Variants in GNG2 observed in about 807,000 individuals in gnomAD.
GNG2 encodes guanine nucleotide-binding protein G(I)/G(S)/G(O) subunit gamma-2.
In GNG2, 5 loss-of-function variants were observed where a neutral mutation model predicts 5.5. The ratio of observed to expected loss-of-function variants is 0.91; its 90% confidence interval spans 0.48 to 1.92. The LOEUF is 1.92. Ranked by LOEUF, GNG2 falls within the 30% of genes most tolerant of loss-of-function variation. The pLI is 0.01. For synonymous variants in GNG2, 28 were observed against 32.0 expected, an observed-to-expected ratio of 0.88 and a Z score of 0.42; for missense variants, 55 against 88.4, an observed-to-expected ratio of 0.62 and a Z score of 1.52.
At chr14:51,908,732 G>T (rs182870969) in intron 2 of GNG2, among the ~76,000 whole-genome samples, 1,037 of 61,002 alleles carry the variant, frequency 0.017, 12 homozygotes, top group Middle Eastern at 0.056. Flanking sequence ...ACCACACCCA[G>T]CTAATTTTTT....
At chr14:51,936,116 G>C (rs1051089719) in intron 2 of GNG2, among the ~76,000 whole-genome samples, 1 of 152,134 alleles carries the variant, frequency 6.6e-6, no homozygotes, top group Non-Finnish European at 1.5e-5. Context: ...ATAAAACACA[G>C]TGCCACTCTG....
intron 2 of GNG2, among the ~76,000 whole-genome samples, chr14:51,925,652 C>T (rs186692244): frequency 6.6e-6 from 1 of 152,294 alleles, no homozygotes; most frequent in Admixed American, 6.5e-5. Flanking sequence ...CACTCTATCA[C>T]CCAGGCTGGA....
intron 2 of GNG2, among the ~76,000 whole-genome samples, chr14:51,927,858 T>TTTGTTG (rs150493266): frequency 7.9e-5 from 12 of 151,308 alleles, no homozygotes; most frequent in African/African-American, 1.9e-4. Flanking sequence ...CTTCTGGTGG[T>TTTGTTG]TTGTTGTTGT....
chr14:51,855,713 T>G (rs1868347672), upstream of GNG2, among the ~76,000 whole-genome samples: 1 of 152,206 alleles, frequency 6.6e-6, no homozygotes, highest in Admixed American at 6.5e-5. Context: ...CCCATTTTAC[T>G]CTTCCTTCTT....
intron 2 of GNG2, among the ~76,000 whole-genome samples, chr14:51,836,227 G>GA (rs1881328400): frequency 2.0e-5 from 3 of 152,026 alleles, no homozygotes; most frequent in Non-Finnish European, 2.9e-5. Context: ...ATCTCGCAAA[G>GA]ACCTCACCTC....
chr14:51,832,047 A>G (rs1329168118), intron 2 of GNG2, among the ~76,000 whole-genome samples: 2 of 152,204 alleles, frequency 1.3e-5, no homozygotes, highest in African/African-American at 4.8e-5. Flanking sequence ...TAAGAGGCCA[A>G]GGTGGGAGGA....
chr14:51,862,050 G>A (rs912473015), intron 1 of GNG2, among the ~76,000 whole-genome samples: 1 of 152,146 alleles, frequency 6.6e-6, no homozygotes, highest in African/African-American at 2.4e-5. Flanking sequence ...GTGTATGTAT[G>A]TATATGCCTC....
chr14:51,867,674 T>G (rs920006594), intron 1 of GNG2, among the ~76,000 whole-genome samples: 1 of 152,188 alleles, frequency 6.6e-6, no homozygotes, highest in African/African-American at 2.4e-5. Flanking sequence ...CTAGGATAAG[T>G]TAGTTCCTGC....
At chr14:51,900,976 C>A (rs1054821367) in intron 2 of GNG2, among the ~76,000 whole-genome samples, 23 of 152,194 alleles carry the variant, frequency 1.5e-4, no homozygotes, top group Non-Finnish European at 2.4e-4. Context: ...TGTTCCCACA[C>A]CCTGCCATAT....
intron 2 of GNG2, among the ~76,000 whole-genome samples, chr14:51,853,297 A>G (rs2140090234): frequency 6.6e-6 from 1 of 152,308 alleles, no homozygotes; most frequent in East Asian, 1.9e-4. Flanking sequence ...CCTTGCCCTC[A>G]GGGAGTGGCA....
intron 1 of GNG2, among the ~76,000 whole-genome samples, chr14:51,872,301 A>G (rs1264249588): frequency 7.0e-6 from 1 of 142,424 alleles, no homozygotes; most frequent in Non-Finnish European, 1.5e-5. Context: ...ATAATTTTAA[A>G]TGACTATTTT....
At chr14:51,873,588 G>A (rs1883448633) in intron 1 of GNG2, among the ~76,000 whole-genome samples, 1 of 152,202 alleles carries the variant, frequency 6.6e-6, no homozygotes, top group African/African-American at 2.4e-5. Context: ...GTTCACAAGG[G>A]AGAAAAGGAT....
intron 2 of GNG2, among the ~76,000 whole-genome samples, chr14:51,839,479 T>G (rs1008616651): frequency 6.6e-6 from 1 of 152,308 alleles, no homozygotes; most frequent in South Asian, 2.1e-4. Flanking sequence ...CTATCTTTTT[T>G]GGGAATAGAA....
At chr14:51,942,595 T>TCCTTCTTTCTTTC (rs1413000965) in intron 2 of GNG2, among the ~76,000 whole-genome samples, 1 of 125,380 alleles carries the variant, frequency 8.0e-6, no homozygotes, top group Non-Finnish European at 1.7e-5. Context: ...CTTTCTTTTT[T>TCCTTCTTTCTTTC]TTTTTTTTTT....
At chr14:51,929,427 C>T (rs1431193629) in intron 2 of GNG2, among the ~76,000 whole-genome samples, 7 of 152,160 alleles carry the variant, frequency 4.6e-5, no homozygotes, top group Admixed American at 3.9e-4. Flanking sequence ...ACTAAGCAGC[C>T]TTTCAGGACA....
At chr14:51,871,098 C>T (rs984544437) in intron 1 of GNG2, among the ~76,000 whole-genome samples, 89 of 151,912 alleles carry the variant, frequency 5.9e-4, no homozygotes, top group African/African-American at 1.8e-3. Context: ...AAATTTAAAC[C>T]GAAACCCTCA....
intron 2 of GNG2, among the ~76,000 whole-genome samples, chr14:51,886,508 G>A (rs1478496691): frequency 6.6e-6 from 1 of 152,148 alleles, no homozygotes; most frequent in African/African-American, 2.4e-5. Flanking sequence ...GAAACAATTG[G>A]CATCCTCAAA....
At chr14:51,841,717 T>C (rs1217048759) in intron 2 of GNG2, 1 of 594,058 alleles carries the variant, frequency 1.7e-6, no homozygotes, top group African/African-American at 1.9e-5. Context: ...AAATAGGAAA[T>C]TATTGTGAAA....
At chr14:51,907,606 C>T (rs1230819656) in intron 2 of GNG2, among the ~76,000 whole-genome samples, 3 of 152,198 alleles carry the variant, frequency 2.0e-5, no homozygotes, top group African/African-American at 7.2e-5. Flanking sequence ...TCTTCTGTGA[C>T]ATTTAATTTG....
Sources: allele counts gnomAD v4.1 joint callset (sites outside exome capture counted in the v4.1 genomes callset), GRCh38; gene constraint gnomAD v4.1.1; transcripts MANE v1.5; gene names NCBI Gene and HGNC (gene_info 2026-07-23, HGNC 2026-07-21).